Variants in KIAA0586 observed in about 807,000 individuals in gnomAD.
The protein encoded by KIAA0586 is protein TALPID3.
In KIAA0586, 144 loss-of-function variants were observed where a neutral mutation model predicts 169.8. That is an observed-to-expected ratio of 0.85 (90% confidence interval 0.74 to 0.97). The LOEUF is 0.97. Ranked by LOEUF, KIAA0586 falls within the 50% of genes least tolerant of loss-of-function variation. The pLI is 0.00. For synonymous variants in KIAA0586, 625 were observed against 612.4 expected, an observed-to-expected ratio of 1.02 and a Z score of -0.30; for missense variants, 1,854 against 1,823.0, an observed-to-expected ratio of 1.02 and a Z score of -0.31.
Position 58,472,244 on chromosome 14 carries a change from G to A in KIAA0586, c.2599G>A (p.Gly867Arg). 6.3e-7 allele frequency: 1 copy of A among 1,584,582 alleles called. No individual in the cohort carries two copies. The highest frequency in any genetic ancestry group is 1.2e-5 in the South Asian group (1 of 85,566). ...KVDEEEVKFP[G>R]TNFDEIIDVI... Reference sequence around the variant, plus strand: ...AGATGAAGAAGAGGTGAAGTTTCCAGGAACTAACTTTGATGAAATAATCGA... The same window carrying A: ...AGATGAAGAAGAGGTGAAGTTTCCAAGAACTAACTTTGATGAAATAATCGA... The change falls in exon 18 of 31, where the codon GGA becomes AGA. Residue 867 changes from glycine to arginine, a missense_variant. Gly to Arg is a moderately radical substitution (Grantham distance 125). Transcript: ENST00000652326.
At chr14:58,472,112 TTATAC>T (rs1292426292) in intron 17 of KIAA0586, 82 bp from the exon 18 acceptor site, 1 of 601,472 alleles carries the variant, frequency 1.7e-6, no homozygotes, top group Non-Finnish European at 2.8e-6. Flanking sequence ...AATTATAAGC[TTATAC>T]TATAGGTGGA....
intron 7 of KIAA0586, among the ~76,000 whole-genome samples, chr14:58,448,696 A>G (rs1202126513): frequency 6.6e-6 from 1 of 152,092 alleles, no homozygotes; most frequent in Non-Finnish European, 1.5e-5. Flanking sequence ...CTTAGATAAA[A>G]TGAGTTCTTT....
At chr14:58,428,666 C>CTTTTTTTT (rs33975443) in intron 1 of KIAA0586, among the ~76,000 whole-genome samples, 1 of 74,146 alleles carries the variant, frequency 1.3e-5, no homozygotes, top group East Asian at 4.1e-4. Context: ...CCCTGTTGTG[C>CTTTTTTTT]TTTTTTTTTT....
At chr14:58,478,440 G>A (rs1020161389) in intron 20 of KIAA0586, among the ~76,000 whole-genome samples, 9 of 152,166 alleles carry the variant, frequency 5.9e-5, no homozygotes, top group African/African-American at 1.7e-4. Flanking sequence ...CCAAGGTCAC[G>A]TCACTGCACT....
At chr14:58,541,368 ATACT>A (rs1003417484) in intron 30 of KIAA0586, among the ~76,000 whole-genome samples, 5 of 152,262 alleles carry the variant, frequency 3.3e-5, no homozygotes, top group Non-Finnish European at 5.9e-5. Flanking sequence ...AAGGTCACAG[ATACT>A]TACTGTGTAC....
chr14:58,429,301 C>T (rs1566766851), intron 1 of KIAA0586, 62 bp from the exon 2 acceptor site: 6 of 977,290 alleles, frequency 6.1e-6, no homozygotes, highest in Non-Finnish European at 8.3e-6. Flanking sequence ...CATGCATATA[C>T]AGTTTCTAAA....
intron 8 of KIAA0586, 52 bp from the exon 9 acceptor site, chr14:58,453,298 A>C (rs942825937): frequency 1.0e-6 from 1 of 983,596 alleles, no homozygotes; most frequent in East Asian, 3.1e-5. Context: ...TATTATATAC[A>C]AGAGAAATGA....
At position 58,487,178 on chromosome 14, in the gene KIAA0586, A is replaced by T. The variant is rs370645135; in HGVS notation, c.3304+12A>T. ...ATGTGCTGAAAAAGGTAGAAACTTT[A>T]TTTCTATAACTCGGTTTTAATTTTA... On this transcript the variant is annotated intron_variant, in intron 22 of 30. Coordinates refer to ENST00000652326, the MANE Select transcript of KIAA0586 (RefSeq NM_001329943.3). 2 of 1,602,400 alleles carry T rather than the reference A, an allele frequency of 1.2e-6. No homozygotes were observed. Among genetic ancestry groups the T allele is most frequent in the Non-Finnish European group, 1.7e-6 (2 of 1,172,910 alleles).
rs545463691 is a variant in KIAA0586, at chr14:58,456,006, G to A, written c.1254-696G>A. On this transcript the variant is annotated intron_variant, in intron 9 of 30. Coordinates refer to ENST00000652326, the MANE Select transcript of KIAA0586 (RefSeq NM_001329943.3). ...GCCCCAACTAGTGTCACTACCTCAC[G>A]CTGCTGAGATGTTAAACAATTGCCA... 1.1e-4 allele frequency among the ~76,000 whole-genome samples: 16 copies of A among 146,292 alleles called. No individual in the cohort carries two copies. The East Asian group carries it at 1.8e-3, about 17-fold the overall frequency.
chr14:58,477,009 C>T, intron 19 of KIAA0586, 114 bp from the exon 20 acceptor site: 1 of 571,400 alleles, frequency 1.8e-6, no homozygotes, highest in Non-Finnish European at 3.1e-6. Flanking sequence ...GCTTTCACAC[C>T]AACATGTTTG....
chr14:58,513,437 G>A (rs80034052), intron 29 of KIAA0586, among the ~76,000 whole-genome samples: 7,762 of 151,994 alleles, frequency 0.051, 264 homozygotes, highest in South Asian at 0.11. Flanking sequence ...ATGTAACTAT[G>A]CATTTGGTGT....
At chr14:58,531,249 C>T (rs2045944944) in intron 29 of KIAA0586, among the ~76,000 whole-genome samples, 1 of 151,150 alleles carries the variant, frequency 6.6e-6, no homozygotes, top group African/African-American at 2.4e-5. Context: ...ATGGCCTGAA[C>T]CCAGAAGGCA....
intron 29 of KIAA0586, among the ~76,000 whole-genome samples, chr14:58,524,614 G>A (rs1374741664): frequency 1.3e-5 from 2 of 152,180 alleles, no homozygotes; most frequent in Non-Finnish European, 2.9e-5. Flanking sequence ...AATTGCATGA[G>A]TTCAAATCCT....
chr14:58,464,786 A>G (rs1013979646), intron 14 of KIAA0586, among the ~76,000 whole-genome samples: 3 of 152,160 alleles, frequency 2.0e-5, no homozygotes, highest in Non-Finnish European at 2.9e-5. Flanking sequence ...GATGGTAACT[A>G]AGTTATTAAT....
At chr14:58,512,020 GT>G (rs1278749040) in intron 28 of KIAA0586, among the ~76,000 whole-genome samples, 1 of 152,142 alleles carries the variant, frequency 6.6e-6, no homozygotes, top group Non-Finnish European at 1.5e-5. Context: ...TGGAGCGTAT[GT>G]TTCTTGAATA....
chr14:58,545,328 C>T (rs1216655133), intron 30 of KIAA0586, among the ~76,000 whole-genome samples: 1 of 152,204 alleles, frequency 6.6e-6, no homozygotes, highest in Non-Finnish European at 1.5e-5. Context: ...TTGGAAACTT[C>T]TAGGAGATCC....
At chr14:58,499,751 G>GT (rs2043425027) in intron 27 of KIAA0586, among the ~76,000 whole-genome samples, 1 of 151,242 alleles carries the variant, frequency 6.6e-6, no homozygotes, top group African/African-American at 2.4e-5. Context: ...TAGAGACAGG[G>GT]TTTCACTATG....
the KIAA0586 span, among the ~76,000 whole-genome samples, chr14:58,561,403 A>C: frequency 6.6e-6 from 1 of 152,192 alleles, no homozygotes; most frequent in Non-Finnish European, 1.5e-5. Context: ...TTTTTTTGAT[A>C]CTCATTAATG....
chr14:58,548,423 A>G lies in KIAA0586; in HGVS notation c.*491A>G, dbSNP rs181452208. 1 of 152,342 alleles carries G rather than the reference A, an allele frequency of 6.6e-6. No homozygotes were observed. Among genetic ancestry groups the G allele is most frequent in the East Asian group, 1.9e-4 (1 of 5,202 alleles). The allele number at this position is 152,342 out of a possible 1,614,324, so 9.4% of individuals were successfully genotyped here. A position where few individuals can be genotyped will look rare whatever the true frequency, so the allele number is the denominator to read the frequency against. On this transcript the variant is annotated 3_prime_UTR_variant, in exon 31 of 31. Coordinates refer to ENST00000652326, the MANE Select transcript of KIAA0586 (RefSeq NM_001329943.3). ...GGAATAATCTTTGAGATGCACTGTTAAAGTGAAAAAAGCCATGTGCAAAAT... is the reference window on the plus strand; with the variant it reads ...GGAATAATCTTTGAGATGCACTGTTGAAGTGAAAAAAGCCATGTGCAAAAT...
Sources: allele counts gnomAD v4.1 joint callset (sites outside exome capture counted in the v4.1 genomes callset), GRCh38; gene constraint gnomAD v4.1.1; transcripts MANE v1.5; gene names NCBI Gene and HGNC (gene_info 2026-07-23, HGNC 2026-07-21).